Variants in VAMP2 observed in about 807,000 individuals in gnomAD.
VAMP2 encodes the protein vesicle-associated membrane protein 2.
For synonymous variants in VAMP2, 67 were observed against 57.3 expected (o/e 1.17, Z -0.76); for missense variants, 95 against 151.3 (o/e 0.63, Z 1.95).
chr17:8,161,342 C>A, intron 4 of VAMP2, 131 bp downstream of exon 4: 2 of 1,322,746 alleles, frequency 1.5e-6, no homozygotes, highest in Non-Finnish European at 1.0e-6. Context: ...CTAGATGAAT[C>A]AGAATTGCCA....
chr17:8,160,881 G>A lies in VAMP2; in HGVS notation c.335-10C>T. The A allele has an allele frequency of 2.5e-6, 4 of 1,608,886 alleles. No homozygotes were observed. Among genetic ancestry groups the A allele is most frequent in the Non-Finnish European group, 3.4e-6 (4 of 1,176,826 alleles). The stretch of plus-strand genomic sequence containing the variant: ...TAAGTGCTGAAGTAAACTGTGGAGA[G>A]AGGGGAAGAAGATGAGGAAGAGGGA... On this transcript the variant is annotated splice_polypyrimidine_tract_variant and intron_variant, in intron 4 of 4. Coordinates refer to ENST00000316509, the MANE Select transcript of VAMP2 (RefSeq NM_014232.3).
At position 8,160,340 on chromosome 17, in the gene VAMP2, C is replaced by CAAAGAAGAT. The variant is rs1261264549; in HGVS notation, c.*506_*514dup. 2 of 131,288 alleles carry CAAAGAAGAT rather than the reference C, an allele frequency of 1.5e-5. No homozygotes were observed. Among genetic ancestry groups the CAAAGAAGAT allele is most frequent in the Non-Finnish European group, 3.1e-5 (2 of 63,826 alleles). The allele number at this position is 131,288 out of a possible 1,614,324, so 8.1% of individuals were successfully genotyped here. On this transcript the variant is annotated 3_prime_UTR_variant, in exon 5 of 5. Coordinates refer to ENST00000316509, the MANE Select transcript of VAMP2 (RefSeq NM_014232.3). The stretch of plus-strand genomic sequence containing the variant: ...CAGTCTCAGAGCCTCCCAATGGATA[C>CAAAGAAGAT]AAAGAAGATGTACCTAAGGAAGCCT...
chr17:8,160,766 G>GGT lies in VAMP2; in HGVS notation c.*88_*89insAC. On this transcript the variant is annotated 3_prime_UTR_variant, in exon 5 of 5. Coordinates refer to ENST00000316509, the MANE Select transcript of VAMP2 (RefSeq NM_014232.3). ...CACACACACACGGATCCAGGGGAGT[G>GGT]GGGGCTGAAAGATATGGCTGAGAGG... is the stretch of plus-strand genomic sequence containing the variant. 3 of 1,478,852 alleles carry GGT rather than the reference G, an allele frequency of 2.0e-6. No homozygotes were observed. Among genetic ancestry groups the GGT allele is most frequent in the Non-Finnish European group, 2.8e-6 (3 of 1,081,738 alleles). The allele number at this position is 1,478,852 out of a possible 1,614,324, so 91.6% of individuals were successfully genotyped here. A position where few individuals can be genotyped will look rare whatever the true frequency, so the allele number is the denominator to read the frequency against.
chr17:8,160,803 C>CT lies in VAMP2; in HGVS notation c.*51dup. ...ATATGGCTGAGAGGTGGAGGAACGGCTGAGGGTTGGGGGAGAGGCCCTTCT... is the reference window on the plus strand; with the variant it reads ...ATATGGCTGAGAGGTGGAGGAACGGCTTGAGGGTTGGGGGAGAGGCCCTTCT... On this transcript the variant is annotated 3_prime_UTR_variant, in exon 5 of 5. Transcript: ENST00000316509. The CT allele has an allele frequency of 6.3e-7, 1 of 1,583,094 alleles. No individual in the cohort carries two copies.
chr17:8,160,932 G>C (rs1286428487), intron 4 of VAMP2, 61 bp from the exon 5 acceptor site: 2 of 1,479,944 alleles, frequency 1.4e-6, no homozygotes, highest in Non-Finnish European at 1.9e-6. Flanking sequence ...GAGAGAACAA[G>C]AAAGCAGTGT....
chr17:8,160,801 G>A lies in VAMP2; in HGVS notation c.*54C>T, dbSNP rs923348195. 64 of 1,584,976 alleles carry A rather than the reference G, an allele frequency of 4.0e-5. No homozygotes were observed. The highest frequency in any genetic ancestry group is 4.8e-5 in the Non-Finnish European group (56 of 1,161,506). On this transcript the variant is annotated 3_prime_UTR_variant, in exon 5 of 5. Coordinates refer to ENST00000316509, the MANE Select transcript of VAMP2 (RefSeq NM_014232.3). ...AGATATGGCTGAGAGGTGGAGGAAC[G>A]GCTGAGGGTTGGGGGAGAGGCCCTT...
chr17:8,162,687 CCG>C lies in VAMP2; in HGVS notation c.2+189_2+190del, dbSNP rs1348748043. The C allele has an allele frequency of 4.5e-6, 6 of 1,330,578 alleles. No homozygotes were observed. The East Asian group carries it at 1.9e-4, about 41-fold the overall frequency. The allele number at this position is 1,330,578 out of a possible 1,614,324, so 82.4% of individuals were successfully genotyped here. On this transcript the variant is annotated intron_variant, in intron 1 of 4. Coordinates refer to ENST00000316509, the MANE Select transcript of VAMP2 (RefSeq NM_014232.3). ...AGGAGGACACTGGGTCCGCTCCTTC[CCG>C]CGGCCATCGCCCGAGCCGGCCAGCC...
intron 1 of VAMP2, 166 bp downstream of exon 1, chr17:8,162,712 G>A: frequency 1.5e-6 from 2 of 1,304,604 alleles, no homozygotes; most frequent in Non-Finnish European, 1.9e-6. Flanking sequence ...GAGCCGGCCA[G>A]CCCGGGACGC....
rs371988242 is a variant in VAMP2, at chr17:8,161,674, C to G, written c.216G>C (p.Ala72=). Residue 72 remains alanine (A), a synonymous_variant, in exon 3 of 5, where the codon GCG becomes GCC. Transcript: ENST00000316509. ...CGCTTGTTTCAAACTGGGAGGCCCC[C>G]GCCTGGAGTGCATCTGCACGGTCGT... The part of the protein sequence containing the change: ...ELDDRADALQ[A]GASQFETSAA... 6.2e-7 allele frequency: 1 copy of G among 1,614,202 alleles called. No individual in the cohort carries two copies. Among genetic ancestry groups the G allele is most frequent in the African/African-American group, 1.3e-5 (1 of 75,040 alleles).
At position 8,160,377 on chromosome 17, in the gene VAMP2, G is replaced by GTTGTTTTTTTTTTTT. The variant is rs1262220349; in HGVS notation, c.*463_*477dup. On this transcript the variant is annotated 3_prime_UTR_variant, in exon 5 of 5. Coordinates refer to ENST00000316509, the MANE Select transcript of VAMP2 (RefSeq NM_014232.3). ...ACCTAAGGAAGCCTGGACAGGTGCT[G>GTTGTTTTTTTTTTTT]TTGTTTTTTTTTTTTTTTTTTTTTT... The GTTGTTTTTTTTTTTT allele has an allele frequency of 2.5e-5, 1 of 39,474 alleles. No individual in the cohort carries two copies. Among genetic ancestry groups the GTTGTTTTTTTTTTTT allele is most frequent in the Non-Finnish European group, 5.4e-5 (1 of 18,524 alleles). The allele number at this position is 39,474 out of a possible 1,614,324, so 2.4% of individuals were successfully genotyped here.
chr17:8,161,790 G>C, intron 2 of VAMP2, 24 bp from the exon 3 acceptor site: 1 of 1,603,890 alleles, frequency 6.2e-7, no homozygotes, highest in Non-Finnish European at 8.5e-7. Flanking sequence ...CCACGAGGCA[G>C]GGGGGTGTGC....
chr17:8,162,350 C>G lies in VAMP2; in HGVS notation c.22G>C (p.Ala8Pro), dbSNP rs1266146036. Residue 8 changes from alanine to proline, a missense_variant, in exon 2 of 5, where the codon GCC becomes CCC. By Grantham distance (27) the Ala-to-Pro change is conservative. Transcript: ENST00000316509. Reference sequence around the variant, plus strand: ...TCCCCAGCCGGGGCAGCAGGGGGGGCCGTGGCAGCGGTAGCAGACCTGAGG... The same window carrying G: ...TCCCCAGCCGGGGCAGCAGGGGGGGGCGTGGCAGCGGTAGCAGACCTGAGG... MSATAAT[A>P]PPAAPAGEGG... The G allele has an allele frequency of 7.5e-6, 12 of 1,606,872 alleles. No individual in the cohort carries two copies. Among genetic ancestry groups the G allele is most frequent in the Non-Finnish European group, 1.0e-5 (12 of 1,177,386 alleles).
intron 4 of VAMP2, 58 bp from the exon 5 acceptor site, chr17:8,160,929 C>A (rs974117783): frequency 1.8e-5 from 27 of 1,500,194 alleles, no homozygotes; most frequent in South Asian, 4.6e-5. Context: ...AGAGAGAGAA[C>A]AAGAAAGCAG....
At chr17:8,162,214 TC>T in intron 2 of VAMP2, 34 bp downstream of exon 2, 2 of 1,502,610 alleles carry the variant, frequency 1.3e-6, no homozygotes, top group Non-Finnish European at 1.8e-6. Context: ...ACCCCCAGGG[TC>T]CCTCCTACTG....
rs1335924701 is a variant in VAMP2, at chr17:8,160,094, C to T, written c.*761G>A. ...CTGGGGACCAGAGCAGCCTGGTTCC[C>T]CAAAAGCCCAGGCTCCCCACCACCT... On this transcript the variant is annotated 3_prime_UTR_variant, in exon 5 of 5. Coordinates refer to ENST00000316509, the MANE Select transcript of VAMP2 (RefSeq NM_014232.3). 1.3e-5 allele frequency: 2 copies of T among 152,080 alleles called. No individual in the cohort carries two copies. Among genetic ancestry groups the T allele is most frequent in the Non-Finnish European group, 1.5e-5 (1 of 68,038 alleles). The allele number at this position is 152,080 out of a possible 1,614,324, so 9.4% of individuals were successfully genotyped here.
In VAMP2 at chr17:8,162,351, C is replaced by A. The variant is rs141123465; in HGVS notation, c.21G>T (p.Thr7=). The change falls in exon 2 of 5, where the codon ACG becomes ACT. Residue 7 remains threonine, a synonymous_variant. Coordinates refer to ENST00000316509, the MANE Select transcript of VAMP2 (RefSeq NM_014232.3). ...CCCCAGCCGGGGCAGCAGGGGGGGC[C>A]GTGGCAGCGGTAGCAGACCTGAGGA... is the stretch of plus-strand genomic sequence containing the variant. MSATAA[T]APPAAPAGEG... 5.1e-5 allele frequency: 82 copies of A among 1,606,784 alleles called. No individual in the cohort carries two copies. The African/African-American group carries it at 8.9e-4, about 17-fold the overall frequency.
In VAMP2 at chr17:8,159,577, A is replaced by G. The variant is rs1983229459; in HGVS notation, c.*1278T>C. On this transcript the variant is annotated 3_prime_UTR_variant, in exon 5 of 5. Transcript: ENST00000316509. Reference sequence around the variant, plus strand: ...CACATTGGCAGTGACTAGTACCCCCACCCTAAATTCAGGGGGGGCAGTCAG... The same window carrying G: ...CACATTGGCAGTGACTAGTACCCCCGCCCTAAATTCAGGGGGGGCAGTCAG... 1 of 152,272 alleles carries G rather than the reference A, an allele frequency of 6.6e-6. No homozygotes were observed. The highest frequency in any genetic ancestry group is 1.5e-5 in the Non-Finnish European group (1 of 68,006). 9.4% of individuals were successfully genotyped at this position (152,272 alleles called of 1,614,324 possible).
At position 8,159,701 on chromosome 17, in the gene VAMP2, T is replaced by C. The variant is rs1037358422; in HGVS notation, c.*1154A>G. 2.6e-5 allele frequency: 4 copies of C among 152,536 alleles called. No individual in the cohort carries two copies. The highest frequency in any genetic ancestry group is 9.7e-5 in the African/African-American group (4 of 41,402). 9.4% of individuals were successfully genotyped at this position (152,536 alleles called of 1,614,324 possible). A position where few individuals can be genotyped will look rare whatever the true frequency, so the allele number is the denominator to read the frequency against. ...TGAGGCCAGAGATTTCAGGCAGGAA[T>C]TGGGGGGATTCTCTGCCCTGCCCCA... On this transcript the variant is annotated 3_prime_UTR_variant, in exon 5 of 5. Transcript: ENST00000316509.
rs1983225346 is a variant in VAMP2 at position 8,159,475 on chromosome 17, A to G, written c.*1380T>C. 6.6e-6 allele frequency: 1 copy of G among 152,572 alleles called. No homozygotes were observed. Among genetic ancestry groups the G allele is most frequent in the South Asian group, 2.1e-4 (1 of 4,832 alleles). The allele number at this position is 152,572 out of a possible 1,614,324, so 9.5% of individuals were successfully genotyped here. ...GACCCTTCCTCAATCAGTTCACCCAATGAGAGGACAGCTCTCTCTGGGCTC... is the reference window on the plus strand; with the variant it reads ...GACCCTTCCTCAATCAGTTCACCCAGTGAGAGGACAGCTCTCTCTGGGCTC... On this transcript the variant is annotated 3_prime_UTR_variant, in exon 5 of 5. Coordinates refer to ENST00000316509, the MANE Select transcript of VAMP2 (RefSeq NM_014232.3).
Sources: gnomAD v4.1 joint callset for allele counts on GRCh38, gnomAD v4.1.1 for gene constraint, MANE v1.5 for transcripts, NCBI Gene and HGNC (gene_info 2026-07-23, HGNC 2026-07-21) for gene names.